Variants in FOXN3 observed in about 807,000 individuals in gnomAD.
FOXN3 encodes forkhead box N3, also known as forkhead box protein N3.
FOXN3 carries 7 observed loss-of-function variants against 38.4 expected under a neutral mutation model. The ratio of observed to expected loss-of-function variants is 0.18; its 90% CI spans 0.10 to 0.34. FOXN3 has a LOEUF of 0.34. Among genes scored for constraint, FOXN3 ranks in the 10% least tolerant of loss-of-function variants. The probability of loss-of-function intolerance (pLI) is 1.00; values close to 1 mark genes in which losing one functional copy is unlikely to be tolerated. For missense variants in FOXN3, 456 were observed against 613.4 expected, an observed-to-expected ratio of 0.74 and a Z score of 2.71; for synonymous variants, 230 against 242.2, an observed-to-expected ratio of 0.95 and a Z score of 0.47.
chr14:89,221,136 G>A (rs929802115), intron 4 of FOXN3, among the ~76,000 whole-genome samples: 3 of 152,086 alleles, frequency 2.0e-5, no homozygotes, highest in Non-Finnish European at 4.4e-5. Flanking sequence ...TGGTGTAAGG[G>A]CCACTGAGAA....
intron 2 of FOXN3, among the ~76,000 whole-genome samples, chr14:89,395,844 G>T (rs558417690): frequency 1.2e-4 from 19 of 152,142 alleles, no homozygotes; most frequent in African/African-American, 4.1e-4. Context: ...GTAAGTCAAA[G>T]AACCAAAGAT....
rs542422425 is a variant in FOXN3, at chr14:89,277,615, C to T, written c.745+3335G>A. On this transcript the variant is annotated intron_variant, in intron 4 of 5. Transcript: ENST00000557258. ...TCTGAACCAAAATACAGGCACCCGA[C>T]GTCCAGGGAGGACCTCGAGAACAAC... Among the ~76,000 whole-genome samples, 7 of 152,264 alleles carry T rather than the reference C, an allele frequency of 4.6e-5. No individual in the cohort carries two copies. The South Asian group carries it at 6.2e-4, about 14-fold the overall frequency.
chr14:89,368,713 T>C (rs756898405), intron 2 of FOXN3, among the ~76,000 whole-genome samples: 5 of 152,120 alleles, frequency 3.3e-5, no homozygotes, highest in Non-Finnish European at 7.3e-5. Context: ...TACAGTGACC[T>C]AGAAGATTTA....
intron 1 of FOXN3, among the ~76,000 whole-genome samples, chr14:89,432,968 A>C (rs925669939): frequency 6.6e-6 from 1 of 152,142 alleles, no homozygotes; most frequent in East Asian, 1.9e-4. Flanking sequence ...GGCGTGAGCC[A>C]ACGAGCACCT....
chr14:89,504,577 C>T (rs962335921), intron 1 of FOXN3, among the ~76,000 whole-genome samples: 1 of 152,206 alleles, frequency 6.6e-6, no homozygotes, highest in African/African-American at 2.4e-5. Flanking sequence ...GAACCACAGC[C>T]CTGCAGGAGG....
intron 1 of FOXN3, among the ~76,000 whole-genome samples, chr14:89,467,839 T>C (rs1232868905): frequency 8.6e-6 from 1 of 116,650 alleles, no homozygotes; most frequent in Non-Finnish European, 1.7e-5. Flanking sequence ...GGGTAGAGAT[T>C]AGGTCTCACT....
chr14:89,384,055 CAG>C (rs1375080866), intron 2 of FOXN3, among the ~76,000 whole-genome samples: 1 of 152,152 alleles, frequency 6.6e-6, no homozygotes, highest in Non-Finnish European at 1.5e-5. Context: ...ACAGTGATAA[CAG>C]AGAACATCAG....
intron 3 of FOXN3, among the ~76,000 whole-genome samples, chr14:89,282,960 A>G (rs549962544): frequency 6.6e-6 from 1 of 152,330 alleles, no homozygotes; most frequent in Non-Finnish European, 1.5e-5. Flanking sequence ...CCACTGTTCT[A>G]TGGTCAATCT....
At chr14:89,422,541 T>G (rs1891936124) in intron 1 of FOXN3, among the ~76,000 whole-genome samples, 1 of 152,244 alleles carries the variant, frequency 6.6e-6, no homozygotes, top group South Asian at 2.1e-4. Context: ...ATGGGTTGAC[T>G]AAGAGTCTCT....
chr14:89,182,956 A>T (rs1887711473), intron 4 of FOXN3, among the ~76,000 whole-genome samples: 1 of 152,242 alleles, frequency 6.6e-6, no homozygotes, highest in Non-Finnish European at 1.5e-5. Context: ...ACATATAAAA[A>T]TTAGAAATGG....
At chr14:89,198,265 C>T (rs753311463) in intron 4 of FOXN3, among the ~76,000 whole-genome samples, 8 of 152,098 alleles carry the variant, frequency 5.3e-5, no homozygotes, top group Admixed American at 3.3e-4. Flanking sequence ...CATTGTATGA[C>T]GTATTATAAG....
At chr14:89,532,800 CA>C (rs1353814073) in intron 1 of FOXN3, among the ~76,000 whole-genome samples, 2 of 152,066 alleles carry the variant, frequency 1.3e-5, no homozygotes, top group East Asian at 3.8e-4. Context: ...AAAAACAAAA[CA>C]AAAACCACTA....
intron 3 of FOXN3, among the ~76,000 whole-genome samples, chr14:89,321,971 C>A (rs1429091397): frequency 2.0e-5 from 3 of 152,178 alleles, no homozygotes; most frequent in Admixed American, 1.3e-4. Context: ...AAGCAAGAAT[C>A]TTTTAGGTCC....
rs574927538 is a variant in FOXN3 at position 89,551,007 on chromosome 14, G to A, written c.-15+68021C>T. Among the ~76,000 whole-genome samples, 27 of 152,278 alleles carry A rather than the reference G, an allele frequency of 1.8e-4. No individual in the cohort carries two copies. The South Asian group carries it at 2.5e-3, about 14-fold the overall frequency. ...ACGCACACACGAATGTTTCTGGCTC[G>A]CCTTAAAAGAAAGAAACTCTTTCAG... On this transcript the variant is annotated intron_variant, in intron 1 of 6. Coordinates refer to the FOXN3 transcript ENST00000345097.
chr14:89,555,803 G>C (rs1895103218), intron 1 of FOXN3, among the ~76,000 whole-genome samples: 1 of 146,294 alleles, frequency 6.8e-6, no homozygotes, highest in South Asian at 2.2e-4. Context: ...TTTGTAGCCA[G>C]GACTAGCATT....
chr14:89,377,860 T>C (rs76471735), intron 2 of FOXN3, among the ~76,000 whole-genome samples: 72 of 152,334 alleles, frequency 4.7e-4, no homozygotes, highest in African/African-American at 1.5e-3. Context: ...ATGAAGTCAT[T>C]AGGGTGACCC....
At chr14:89,374,979 A>G (rs1030149218) in intron 2 of FOXN3, among the ~76,000 whole-genome samples, 1 of 108,710 alleles carries the variant, frequency 9.2e-6, no homozygotes, top group Non-Finnish European at 1.8e-5. Flanking sequence ...TCCGTCTCAG[A>G]AAAAAAAAAA....
At chr14:89,219,298 C>G (rs1486839626) in intron 4 of FOXN3, among the ~76,000 whole-genome samples, 1 of 152,192 alleles carries the variant, frequency 6.6e-6, no homozygotes, top group Non-Finnish European at 1.5e-5. Context: ...TGCCTTGCTT[C>G]CCCTTTGCCG....
chr14:89,599,870 C>T (rs1473565541), intron 1 of FOXN3, among the ~76,000 whole-genome samples: 1 of 152,164 alleles, frequency 6.6e-6, no homozygotes. Context: ...ATACAATTAC[C>T]ACACCCTCAA....
Sources: gnomAD v4.1 joint callset for allele counts (sites outside exome capture counted in the v4.1 genomes callset) on GRCh38, gnomAD v4.1.1 for gene constraint, MANE v1.5 for transcripts, NCBI Gene and HGNC (gene_info 2026-07-23, HGNC 2026-07-21) for gene names.